The following SLC16A10 variants were observed in gnomAD, a reference collection of about 807,000 sequenced individuals.
The protein encoded by SLC16A10 is monocarboxylate transporter 10.
SLC16A10 carries 27 observed loss-of-function variants against 40.0 expected under a neutral mutation model. The ratio of observed to expected loss-of-function variants is 0.67; its 90% confidence interval spans 0.50 to 0.93. The LOEUF (loss-of-function observed/expected upper bound fraction) is 0.93, where lower values mean the gene tolerates loss of function less well. Ranked by LOEUF, SLC16A10 falls within the 40% of genes least tolerant of loss-of-function variation. The pLI, the probability that SLC16A10 is intolerant of heterozygous loss-of-function variation, is 0.00. For missense variants in SLC16A10, 529 were observed against 658.2 expected (o/e 0.80, Z 2.15); for synonymous variants, 213 against 249.8 (o/e 0.85, Z 1.39).
intron 3 of SLC16A10, chr6:111,178,581 C>A: frequency 2.9e-6 from 1 of 340,150 alleles, no homozygotes; most frequent in Non-Finnish European, 5.6e-6. Context: ...AAGGAAGAAG[C>A]AGTGTCTAAA....
chr6:111,188,091 G>C (rs954679817), intron 3 of SLC16A10, among the ~76,000 whole-genome samples: 4 of 152,152 alleles, frequency 2.6e-5, no homozygotes, highest in African/African-American at 9.7e-5. Context: ...CAGAGTGCTG[G>C]AAACTTTTTT....
chr6:111,202,278 C>T (rs532317456), intron 3 of SLC16A10, among the ~76,000 whole-genome samples: 13 of 152,190 alleles, frequency 8.5e-5, no homozygotes, highest in African/African-American at 3.1e-4. Flanking sequence ...CAGTTTGAGA[C>T]CAGCCTGGGC....
intron 1 of SLC16A10, among the ~76,000 whole-genome samples, chr6:111,129,241 G>A (rs1278071346): frequency 6.6e-6 from 1 of 152,196 alleles, no homozygotes; most frequent in East Asian, 1.9e-4. Flanking sequence ...AGTCTGTCAG[G>A]CTTCCAAGAA....
chr6:111,190,218 C>T (rs562088095), intron 3 of SLC16A10, among the ~76,000 whole-genome samples: 19 of 152,302 alleles, frequency 1.2e-4, no homozygotes, highest in African/African-American at 4.6e-4. Flanking sequence ...AGTTCCAAAA[C>T]GATCTTCTTT....
At chr6:111,190,166 C>T (rs753641154) in intron 3 of SLC16A10, among the ~76,000 whole-genome samples, 1 of 152,208 alleles carries the variant, frequency 6.6e-6, no homozygotes, top group Non-Finnish European at 1.5e-5. Context: ...CTACAGGCCC[C>T]ATGCAAGTCT....
chr6:111,220,746 C>T (rs529405406), intron 5 of SLC16A10, among the ~76,000 whole-genome samples: 190 of 152,336 alleles, frequency 1.2e-3, no homozygotes, highest in Non-Finnish European at 2.2e-3. Flanking sequence ...ATATAAGCAG[C>T]ACTCTAGTAG....
rs543063394 is a variant in SLC16A10 at position 111,208,700 on chromosome 6, G to C, written c.1086+1965G>C. On this transcript the variant is annotated intron_variant, in intron 4 of 5. Coordinates refer to ENST00000368851, the MANE Select transcript of SLC16A10 (RefSeq NM_018593.5). Reference sequence around the variant, plus strand: ...TGATTCCATTTATATGAAGTGTCCAGAATAGGAATCTCTGTCTCTTTCCAT... The same window carrying C: ...TGATTCCATTTATATGAAGTGTCCACAATAGGAATCTCTGTCTCTTTCCAT... Among the ~76,000 whole-genome samples, 8 of 152,282 alleles carry C rather than the reference G, an allele frequency of 5.3e-5. No homozygotes were observed. In the East Asian group the frequency reaches 1.5e-3, roughly 29 times the overall value.
At chr6:111,099,181 G>T (rs1219415174) in intron 1 of SLC16A10, among the ~76,000 whole-genome samples, 1 of 152,204 alleles carries the variant, frequency 6.6e-6, no homozygotes, top group African/African-American at 2.4e-5. Flanking sequence ...TTAAGTTCTT[G>T]TTCATTTTTT....
chr6:111,183,923 C>T (rs552236875), intron 3 of SLC16A10, among the ~76,000 whole-genome samples: 7 of 152,120 alleles, frequency 4.6e-5, no homozygotes, highest in Non-Finnish European at 7.3e-5. Flanking sequence ...TAGCTTTGGT[C>T]GAGCATTGAG....
At chr6:111,152,111 C>A (rs1406198324) in intron 1 of SLC16A10, among the ~76,000 whole-genome samples, 4 of 152,178 alleles carry the variant, frequency 2.6e-5, no homozygotes, top group African/African-American at 4.8e-5. Context: ...ATGTGTATTG[C>A]ATGAATAAAG....
At chr6:111,089,722 G>A (rs1412440851) in intron 1 of SLC16A10, among the ~76,000 whole-genome samples, 2 of 152,082 alleles carry the variant, frequency 1.3e-5, no homozygotes, top group Non-Finnish European at 2.9e-5. Context: ...AGTATTGGGT[G>A]TCAGAGAGAA....
chr6:111,148,964 T>C (rs944423825), intron 1 of SLC16A10, among the ~76,000 whole-genome samples: 2 of 152,166 alleles, frequency 1.3e-5, no homozygotes, highest in African/African-American at 4.8e-5. Context: ...GCTGGCCTGA[T>C]ATTGATCGTC....
At chr6:111,194,267 C>A (rs889563991) in intron 3 of SLC16A10, among the ~76,000 whole-genome samples, 2 of 152,116 alleles carry the variant, frequency 1.3e-5, no homozygotes, top group African/African-American at 4.8e-5. Flanking sequence ...AAGGTGAGAA[C>A]AGTTTTATCT....
chr6:111,090,795 A>G (rs1003934220), intron 1 of SLC16A10, among the ~76,000 whole-genome samples: 2 of 152,240 alleles, frequency 1.3e-5, no homozygotes, highest in African/African-American at 4.8e-5. Context: ...AATACATGCC[A>G]AAAAATATCT....
intron 1 of SLC16A10, among the ~76,000 whole-genome samples, chr6:111,137,002 A>G (rs1771891236): frequency 6.6e-6 from 1 of 152,230 alleles, no homozygotes; most frequent in Non-Finnish European, 1.5e-5. Flanking sequence ...AGAAACTATT[A>G]TTGGCTGCAC....
At chr6:111,179,449 T>C (rs928627783) in intron 3 of SLC16A10, among the ~76,000 whole-genome samples, 16 of 152,220 alleles carry the variant, frequency 1.1e-4, no homozygotes, top group Admixed American at 6.5e-5. Flanking sequence ...TCTCTTCCAC[T>C]GTGCTTACCT....
intron 1 of SLC16A10, among the ~76,000 whole-genome samples, chr6:111,162,249 T>C (rs1242770524): frequency 6.6e-6 from 1 of 152,210 alleles, no homozygotes; most frequent in African/African-American, 2.4e-5. Flanking sequence ...GCTTTTAAAA[T>C]TGGCTTTGAT....
chr6:111,111,005 A>T (rs998587508), intron 1 of SLC16A10, among the ~76,000 whole-genome samples: 3 of 152,126 alleles, frequency 2.0e-5, no homozygotes, highest in African/African-American at 7.2e-5. Flanking sequence ...ACCAAAACCC[A>T]TTTATAGCAT....
intron 3 of SLC16A10, among the ~76,000 whole-genome samples, chr6:111,188,488 GAT>G (rs201508067): frequency 6.6e-6 from 1 of 151,038 alleles, no homozygotes; most frequent in Non-Finnish European, 1.5e-5. Context: ...TTGACACAAG[GAT>G]ATATATATAT....
Sources: allele counts gnomAD v4.1 joint callset (sites outside exome capture counted in the v4.1 genomes callset), GRCh38; gene constraint gnomAD v4.1.1; transcripts MANE v1.5; gene names NCBI Gene and HGNC (gene_info 2026-07-23, HGNC 2026-07-21).